The following UNC79 variants were observed in gnomAD, a reference collection of about 807,000 sequenced individuals.
UNC79 encodes protein unc-79 homolog.
In UNC79, 37 loss-of-function variants were observed where a neutral mutation model predicts 283.1. The observed-to-expected ratio is 0.13, with a 90% CI of 0.10 to 0.17. The LOEUF (loss-of-function observed/expected upper bound fraction) is 0.17, where lower values mean the gene tolerates loss of function less well. Among genes scored for constraint, UNC79 ranks in the 10% least tolerant of loss-of-function variants. UNC79 has a pLI of 1.00. For synonymous variants in UNC79, 1,107 were observed against 1,200.2 expected (o/e 0.92, Z 1.61); for missense variants, 2,272 against 3,211.1 (o/e 0.71, Z 7.07).
At chr14:93,529,164 G>C (rs2060682744) in intron 9 of UNC79, 122 bp from the exon 10 acceptor site, 6 of 880,004 alleles carry the variant, frequency 6.8e-6, no homozygotes, top group Non-Finnish European at 1.0e-5. Flanking sequence ...TTATGATAGT[G>C]CTCTTAATTA....
chr14:93,673,480 AC>A, intron 41 of UNC79, 25 bp downstream of exon 44: 1 of 1,598,774 alleles, frequency 6.3e-7, no homozygotes, highest in Middle Eastern at 1.7e-4. Flanking sequence ...GATTTGTAAA[AC>A]TTTTCATGAG....
At chr14:93,594,363 G>GAGTTCA (rs1278000109) in intron 23 of UNC79, among the ~76,000 whole-genome samples, 2 of 152,054 alleles carry the variant, frequency 1.3e-5, no homozygotes, top group African/African-American at 4.8e-5. Context: ...TCTGCCTCCT[G>GAGTTCA]AGTTCAAGTA....
At chr14:93,453,340 T>C (rs7151344) in intron 1 of UNC79, among the ~76,000 whole-genome samples, 2,000 of 152,342 alleles carry the variant, frequency 0.013, 54 homozygotes, top group African/African-American at 0.046. Flanking sequence ...GAATGATTCA[T>C]AGTTATCAGC....
At chr14:93,600,530 CT>C in intron 24 of UNC79, 38 bp from the exon 25 acceptor site, 3 of 1,511,844 alleles carry the variant, frequency 2.0e-6, no homozygotes, top group Non-Finnish European at 2.7e-6. Context: ...TTATATCTGA[CT>C]TTCTTCTTTT....
chr14:93,528,442 G>C, intron 8 of UNC79, 116 bp from the exon 9 acceptor site: 1 of 904,064 alleles, frequency 1.1e-6, no homozygotes, highest in South Asian at 1.8e-5. Flanking sequence ...TACTAAAAAT[G>C]TTTATTCCAC....
chr14:93,678,508 C>T (rs1490955453), intron 41 of UNC79, among the ~76,000 whole-genome samples: 2 of 152,126 alleles, frequency 1.3e-5, no homozygotes, highest in African/African-American at 4.8e-5. Flanking sequence ...TAGACCATAC[C>T]TTTGTGTTGC....
chr14:93,501,742 C>T (rs1032621329), intron 7 of UNC79, among the ~76,000 whole-genome samples: 1 of 152,026 alleles, frequency 6.6e-6, no homozygotes, highest in African/African-American at 2.4e-5. Flanking sequence ...CCACCACCAT[C>T]CAGAAATGAC....
chr14:93,363,908 G>T lies in UNC79; in HGVS notation c.-351+30385G>T, dbSNP rs150697504. Among the ~76,000 whole-genome samples, 318 of 152,124 alleles carry T rather than the reference G, an allele frequency of 2.1e-3. 5 individuals are homozygous for T. The East Asian group carries it at 0.022, about 11-fold the overall frequency. On this transcript the variant is annotated intron_variant, in intron 1 of 49. Transcript: ENST00000256339. Reference sequence around the variant, plus strand: ...TAATTTTTTTTGTATTTTTAGTAGAGACAGGGTTTCACCTTGTTAGCCAGG... The same window carrying T: ...TAATTTTTTTTGTATTTTTAGTAGATACAGGGTTTCACCTTGTTAGCCAGG...
intron 1 of UNC79, among the ~76,000 whole-genome samples, chr14:93,371,484 G>A (rs1566897820): frequency 6.6e-6 from 1 of 151,970 alleles, no homozygotes; most frequent in Non-Finnish European, 1.5e-5. Flanking sequence ...CAATGAAAAC[G>A]CAGAAAAAAA....
chr14:93,666,444 C>T (rs752029893), intron 40 of UNC79, among the ~76,000 whole-genome samples: 13 of 151,940 alleles, frequency 8.6e-5, no homozygotes, highest in Non-Finnish European at 1.3e-4. Flanking sequence ...AAAGATATAC[C>T]AGACTAATAC....
intron 8 of UNC79, among the ~76,000 whole-genome samples, chr14:93,527,396 A>T (rs961854609): frequency 2.0e-5 from 3 of 152,252 alleles, no homozygotes; most frequent in Non-Finnish European, 4.4e-5. Context: ...TTTACAAAAA[A>T]AGTTTGCCAA....
intron 35 of UNC79, among the ~76,000 whole-genome samples, chr14:93,647,971 CA>C (rs1566852123): frequency 2.0e-5 from 3 of 152,192 alleles, no homozygotes; most frequent in Admixed American, 1.3e-4. Context: ...TTCACTACCA[CA>C]AGGACAGTAT....
At chr14:93,463,447 G>T (rs964289162) in intron 1 of UNC79, among the ~76,000 whole-genome samples, 2 of 152,126 alleles carry the variant, frequency 1.3e-5, no homozygotes, top group African/African-American at 4.8e-5. Context: ...GAATGGAAAG[G>T]CAGGAGAGAG....
chr14:93,621,779 G>A lies in UNC79; in HGVS notation c.4546G>A (p.Glu1516Lys), dbSNP rs939533326. 4 of 1,613,838 alleles carry A rather than the reference G, an allele frequency of 2.5e-6. No homozygotes were observed. Among genetic ancestry groups the A allele is most frequent in the Non-Finnish European group, 3.4e-6 (4 of 1,179,956 alleles). ...AGACTCGCTTTTGTTTACATTAGAC[G>A]AACATCGTAGGAAGTCGTGCATAGA... Residue 1516 changes from glutamate to lysine, a missense_variant, in exon 30 of 49, where the codon GAA becomes AAA. By Grantham distance (56) the Glu-to-Lys change is moderately conservative (BLOSUM62 1). This residue lies in a region of UNC79 where 580 missense variants were observed against 632.2 expected (regional missense o/e 0.92). Transcript: ENST00000555664. The surrounding 1 kb of genome is among the most constrained non-coding windows in gnomAD (Gnocchi z 4.8).
At chr14:93,343,886 G>A (rs569732468) in intron 1 of UNC79, among the ~76,000 whole-genome samples, 4 of 152,202 alleles carry the variant, frequency 2.6e-5, no homozygotes, top group Middle Eastern at 3.4e-3. Context: ...AGAATACATC[G>A]AATCCCAGCC....
rs148035160 is a variant in UNC79, at chr14:93,396,032, C to G, written c.-351+62509C>G. Among the ~76,000 whole-genome samples the G allele has an allele frequency of 1.4e-3, 208 of 152,212 alleles. 1 individual carries two copies. Among genetic ancestry groups the G allele is most frequent in the Middle Eastern group, 6.8e-3 (2 of 294 alleles). ...CTCTTATTATGCATATGTTTGCATGCTTGATGTCTCATATGTCTGAGGCGC... is the reference window on the plus strand; with the variant it reads ...CTCTTATTATGCATATGTTTGCATGGTTGATGTCTCATATGTCTGAGGCGC... On this transcript the variant is annotated intron_variant, in intron 1 of 49. Coordinates refer to the UNC79 transcript ENST00000256339.
intron 7 of UNC79, among the ~76,000 whole-genome samples, chr14:93,516,450 T>TGGGG (rs34400311): frequency 2.6e-5 from 2 of 78,104 alleles, no homozygotes; most frequent in African/African-American, 5.0e-5. Context: ...ATATTTTTTT[T>TGGGG]GGGGGGGGGG....
intron 30 of UNC79, 66 bp downstream of exon 32, chr14:93,622,907 A>G: frequency 1.3e-6 from 2 of 1,553,800 alleles, no homozygotes; most frequent in African/African-American, 1.4e-5. Flanking sequence ...TTGATAGGGT[A>G]CCGGCACTGA....
chr14:93,444,401 A>G (rs988864452), intron 1 of UNC79, among the ~76,000 whole-genome samples: 2 of 152,148 alleles, frequency 1.3e-5, no homozygotes, highest in Non-Finnish European at 2.9e-5. Context: ...TTTTCTTAAC[A>G]ATGACTTTCG....
Sources: allele counts gnomAD v4.1 joint callset (sites outside exome capture counted in the v4.1 genomes callset), GRCh38; gene constraint gnomAD v4.1.1; regional missense constraint gnomAD v4.1.1; non-coding constraint Gnocchi (gnomAD v3.1); transcripts MANE v1.5; gene names NCBI Gene and HGNC (gene_info 2026-07-23, HGNC 2026-07-21).